Variants in SLC22A24 observed in about 807,000 individuals in gnomAD.
SLC22A24 encodes steroid transmembrane transporter SLC22A24.
SLC22A24 carries 53 observed loss-of-function variants against 49.8 expected under a neutral mutation model. That is an observed-to-expected ratio of 1.06 (90% CI 0.85 to 1.34). SLC22A24 has a LOEUF of 1.34. Among genes scored for constraint, SLC22A24 ranks in the 40% most tolerant of loss-of-function variants. SLC22A24 has a pLI of 0.00. For missense variants in SLC22A24, 786 were observed against 675.9 expected (o/e 1.16, Z -1.81); for synonymous variants, 302 against 256.4 (o/e 1.18, Z -1.70).
At chr11:63,119,458 ACCGG>A in intron 2 of SLC22A24, 123 bp from the exon 3 acceptor site, 1 of 915,386 alleles carries the variant, frequency 1.1e-6, no homozygotes, top group Admixed American at 3.1e-5. Flanking sequence ...GGTGCTTGAC[ACCGG>A]GTGGCATAAT....
At chr11:63,122,579 A>G (rs1382703636) in intron 2 of SLC22A24, among the ~76,000 whole-genome samples, 1 of 152,118 alleles carries the variant, frequency 6.6e-6, no homozygotes, top group Non-Finnish European at 1.5e-5. Context: ...CGGTGGTGCC[A>G]TCTCGGCTCA....
intron 5 of SLC22A24, among the ~76,000 whole-genome samples, chr11:63,100,602 G>A (rs1434584331): frequency 6.6e-6 from 1 of 152,000 alleles, no homozygotes; most frequent in Admixed American, 6.6e-5. Context: ...AATAGCCAAA[G>A]CTACTCTGAG....
At chr11:63,120,281 T>C (rs1390782439) in intron 2 of SLC22A24, among the ~76,000 whole-genome samples, 1 of 124,166 alleles carries the variant, frequency 8.1e-6, no homozygotes, top group Admixed American at 1.0e-4. Context: ...GGAAGGGGAA[T>C]ATCACACTCT....
chr11:63,112,156 G>T (rs1262998516), intron 4 of SLC22A24, among the ~76,000 whole-genome samples: 1 of 152,020 alleles, frequency 6.6e-6, no homozygotes, highest in African/African-American at 2.4e-5. Context: ...GTAGTTGAGT[G>T]GTTTTGAGTG....
At chr11:63,085,664 G>A (rs2086983084) in intron 6 of SLC22A24, among the ~76,000 whole-genome samples, 1 of 152,218 alleles carries the variant, frequency 6.6e-6, no homozygotes, top group African/African-American at 2.4e-5. Context: ...CTTGAATGCA[G>A]AGTTTAGATC....
At chr11:63,081,731 T>A in intron 7 of SLC22A24, 65 bp from the exon 8 acceptor site, 1 of 1,074,024 alleles carries the variant, frequency 9.3e-7, no homozygotes, top group Non-Finnish European at 1.4e-6. Flanking sequence ...CAAATAATTG[T>A]AAAAAGATTC....
intron 7 of SLC22A24, among the ~76,000 whole-genome samples, chr11:63,082,898 C>A (rs920912147): frequency 6.6e-6 from 1 of 152,234 alleles, no homozygotes; most frequent in South Asian, 2.1e-4. Context: ...CAAGGCCTAG[C>A]CCCTCCACAA....
At chr11:63,094,387 A>G (rs2087039817) in intron 6 of SLC22A24, among the ~76,000 whole-genome samples, 1 of 152,026 alleles carries the variant, frequency 6.6e-6, no homozygotes, top group Non-Finnish European at 1.5e-5. Context: ...TCATTGTTAG[A>G]CATTTAGATT....
chr11:63,134,053 C>T (rs1380436947), intron 2 of SLC22A24, among the ~76,000 whole-genome samples: 1 of 152,146 alleles, frequency 6.6e-6, no homozygotes, highest in Non-Finnish European at 1.5e-5. Context: ...ATACAAATGA[C>T]ATTTTAAAAT....
intron 6 of SLC22A24, among the ~76,000 whole-genome samples, chr11:63,093,442 C>A (rs1289313034): frequency 6.6e-6 from 1 of 152,040 alleles, no homozygotes; most frequent in Admixed American, 6.6e-5. Context: ...GGAACCAACC[C>A]AAAGACCCAT....
intron 2 of SLC22A24, among the ~76,000 whole-genome samples, chr11:63,132,158 T>C (rs182857642): frequency 1.3e-4 from 20 of 152,302 alleles, no homozygotes; most frequent in African/African-American, 3.4e-4. Flanking sequence ...TTCTACACTG[T>C]TTATTTTATT....
intron 6 of SLC22A24, among the ~76,000 whole-genome samples, chr11:63,092,076 G>A (rs1233590131): frequency 6.6e-6 from 1 of 152,054 alleles, no homozygotes; most frequent in Non-Finnish European, 1.5e-5. Context: ...AAATCAATAT[G>A]CAAAAGTCAC....
At chr11:63,080,036 G>A in intron 9 of SLC22A24, 36 bp from the exon 10 acceptor site, 4 of 1,367,120 alleles carry the variant, frequency 2.9e-6, no homozygotes, top group Non-Finnish European at 3.1e-6. Context: ...ACAAGATTAA[G>A]AAACAAAAAA....
intron 2 of SLC22A24, among the ~76,000 whole-genome samples, chr11:63,126,581 G>A (rs899209840): frequency 6.6e-6 from 1 of 152,160 alleles, no homozygotes; most frequent in Non-Finnish European, 1.5e-5. Flanking sequence ...ATAATTTGAA[G>A]TCAGGTAGCG....
Position 63,081,575 on chromosome 11 carries a change from G to T in SLC22A24, c.1377C>A (p.Leu459=). 1.3e-6 allele frequency: 2 copies of T among 1,551,136 alleles called. No individual in the cohort carries two copies. The highest frequency in any genetic ancestry group is 2.4e-5 in the East Asian group (1 of 40,922). The change falls in exon 8 of 10, where the codon CTC becomes CTA. Residue 459 remains leucine (L), a synonymous_variant. Transcript: ENST00000612278. ...SNSASVHHNE[L]VPTILRSTVA... ...TCTTGTACCTCAATATGGTGGGGAC[G>T]AGCTCGTTGTGGTGGACAGAAGCAC...
chr11:63,124,429 G>A (rs1198823517), intron 2 of SLC22A24, among the ~76,000 whole-genome samples: 2 of 152,294 alleles, frequency 1.3e-5, no homozygotes, highest in African/African-American at 4.8e-5. Flanking sequence ...TTTTAAAGAA[G>A]TGAGCAACAT....
intron 2 of SLC22A24, among the ~76,000 whole-genome samples, 159 bp from the exon 3 acceptor site, chr11:63,119,494 T>C (rs1245914271): frequency 1.3e-5 from 2 of 152,122 alleles, no homozygotes; most frequent in Non-Finnish European, 2.9e-5. Context: ...GCAGCAAAAA[T>C]CACAGATGTA....
intron 1 of SLC22A24, among the ~76,000 whole-genome samples, chr11:63,135,757 G>A (rs1182630069): frequency 6.6e-6 from 1 of 152,156 alleles, no homozygotes; most frequent in Admixed American, 6.5e-5. Context: ...TTCAAAATGG[G>A]CTGTAAAGCA....
intron 4 of SLC22A24, among the ~76,000 whole-genome samples, chr11:63,110,611 T>A (rs1325984331): frequency 7.7e-6 from 1 of 130,468 alleles, no homozygotes; most frequent in Admixed American, 8.5e-5. Flanking sequence ...TTTGAAGCAG[T>A]TGTGAATGGG....
Sources: gnomAD v4.1 joint callset for allele counts (sites outside exome capture counted in the v4.1 genomes callset) on GRCh38, gnomAD v4.1.1 for gene constraint, MANE v1.5 for transcripts, NCBI Gene and HGNC (gene_info 2026-07-23, HGNC 2026-07-21) for gene names.